Variants in TRERF1 observed in about 807,000 individuals in gnomAD.
TRERF1 encodes the protein transcriptional-regulating factor 1.
TRERF1 carries 27 observed loss-of-function variants against 122.9 expected under a neutral mutation model. The observed-to-expected ratio is 0.22, with a 90% CI of 0.16 to 0.30. The LOEUF is 0.30. TRERF1 is among the 10% of genes least tolerant of loss of function. The probability of loss-of-function intolerance (pLI) is 1.00; values close to 1 mark genes in which losing one functional copy is unlikely to be tolerated. For missense variants in TRERF1, 1,248 were observed against 1,560.3 expected (o/e 0.80, Z 3.37); for synonymous variants, 636 against 641.7 (o/e 0.99, Z 0.13).
At chr6:42,239,002 C>G (rs577453392) in intron 15 of TRERF1, among the ~76,000 whole-genome samples, 21 of 152,292 alleles carry the variant, frequency 1.4e-4, no homozygotes, top group African/African-American at 5.1e-4. Flanking sequence ...CCTGGCCTAT[C>G]TTATTCCAAA....
intron 2 of TRERF1, among the ~76,000 whole-genome samples, chr6:42,428,515 T>C (rs1471955304): frequency 1.3e-5 from 2 of 152,232 alleles, no homozygotes; most frequent in African/African-American, 2.4e-5. Context: ...TCTCCAGAGC[T>C]GAGGCTCTCT....
chr6:42,407,014 A>G (rs1352160484), intron 2 of TRERF1, among the ~76,000 whole-genome samples: 1 of 152,246 alleles, frequency 6.6e-6, no homozygotes, highest in African/African-American at 2.4e-5. Flanking sequence ...ACATGAAGAA[A>G]CAGGGGCTTG....
chr6:42,323,972 A>G (rs113261130), intron 3 of TRERF1, among the ~76,000 whole-genome samples: 1,879 of 152,310 alleles, frequency 0.012, 41 homozygotes, highest in African/African-American at 0.042. Flanking sequence ...ATCAAGTGAC[A>G]TGTTTGAGGC....
At chr6:42,373,946 G>T (rs564946268) in intron 2 of TRERF1, among the ~76,000 whole-genome samples, 9 of 150,864 alleles carry the variant, frequency 6.0e-5, no homozygotes, top group African/African-American at 2.2e-4. Flanking sequence ...CATCCTGGCC[G>T]ACATGGTGAA....
At chr6:42,313,654 C>T (rs1412278907) in intron 3 of TRERF1, among the ~76,000 whole-genome samples, 1 of 152,108 alleles carries the variant, frequency 6.6e-6, no homozygotes, top group African/African-American at 2.4e-5. Flanking sequence ...CTTCACTGAG[C>T]CCCAGGAGTG....
chr6:42,269,419 G>C lies in TRERF1; in HGVS notation c.172C>G (p.Pro58Ala). 6.2e-7 allele frequency: 1 copy of C among 1,614,224 alleles called. No individual in the cohort carries two copies. Among genetic ancestry groups the C allele is most frequent in the Non-Finnish European group, 8.5e-7 (1 of 1,180,050 alleles). ...CCCAGACCATCCCGTGTATCTTGAGGGAAGTGGGGGGAGATTGGCGAGGCC... is the reference window on the plus strand; with the variant it reads ...CCCAGACCATCCCGTGTATCTTGAGCGAAGTGGGGGGAGATTGGCGAGGCC... The change falls in exon 5 of 18, where the codon CCT becomes GCT. Residue 58 changes from proline (P) to alanine (A), a missense_variant. Physicochemically the swap from Pro to Ala is conservative, Grantham distance 27 (BLOSUM62 -1). Coordinates refer to ENST00000372922, the Ensembl canonical transcript of TRERF1. This position sits in a 1 kb window ranked among gnomAD's most constrained non-coding sequence, Gnocchi z 4.9.
intron 3 of TRERF1, among the ~76,000 whole-genome samples, chr6:42,316,109 G>A (rs938161735): frequency 6.6e-6 from 1 of 152,142 alleles, no homozygotes; most frequent in Non-Finnish European, 1.5e-5. Flanking sequence ...ATGACATTTC[G>A]AGTCACAAGT....
intron 4 of TRERF1, among the ~76,000 whole-genome samples, chr6:42,298,107 A>G (rs559976734): frequency 6.6e-6 from 1 of 152,270 alleles, no homozygotes; most frequent in African/African-American, 2.4e-5. Context: ...TTAGACACAT[A>G]ATAAATTAGT....
chr6:42,338,535 A>G (rs546287915), intron 3 of TRERF1, among the ~76,000 whole-genome samples: 1 of 152,326 alleles, frequency 6.6e-6, no homozygotes, highest in Non-Finnish European at 1.5e-5. Context: ...AGAAATTAAC[A>G]AGCACTCTCC....
At chr6:42,247,186 T>C (rs554097486) in intron 13 of TRERF1, among the ~76,000 whole-genome samples, 3 of 152,290 alleles carry the variant, frequency 2.0e-5, no homozygotes, top group South Asian at 2.1e-4. Flanking sequence ...AAAGGTCACA[T>C]AGAAGCAAGT....
chr6:42,328,658 C>T lies in TRERF1; in HGVS notation c.-370-27909G>A, dbSNP rs1201941217. Among the ~76,000 whole-genome samples the T allele has an allele frequency of 4.6e-5, 7 of 152,218 alleles. No homozygotes were observed. The East Asian group carries it at 1.4e-3, about 29-fold the overall frequency. On this transcript the variant is annotated intron_variant, in intron 3 of 17. Transcript: ENST00000372922. ...GGAGTTGTCTGTCTGAACAGCAATG[C>T]CATGCTAAGCAGAGTCTTAAGGGCC...
chr6:42,288,512 G>C (rs1027607542), intron 4 of TRERF1, among the ~76,000 whole-genome samples: 3 of 147,702 alleles, frequency 2.0e-5, no homozygotes, highest in African/African-American at 7.5e-5. Context: ...AGGTTGCCGT[G>C]AGCCAAGATG....
intron 3 of TRERF1, among the ~76,000 whole-genome samples, chr6:42,349,035 T>G (rs174275): frequency 0.041 from 6,268 of 152,260 alleles, 292 homozygotes; most frequent in African/African-American, 0.12. Flanking sequence ...TGAGGTAGTG[T>G]AAGCCTAAGT....
intron 4 of TRERF1, among the ~76,000 whole-genome samples, chr6:42,298,501 A>G (rs1381301168): frequency 1.3e-5 from 2 of 151,664 alleles, no homozygotes; most frequent in Admixed American, 1.3e-4. Flanking sequence ...ACAGAGAGAC[A>G]AAGAGATGAA....
intron 13 of TRERF1, among the ~76,000 whole-genome samples, chr6:42,251,866 C>T (rs928249840): frequency 1.3e-5 from 2 of 152,146 alleles, no homozygotes; most frequent in African/African-American, 4.8e-5. Context: ...TGAACACTTG[C>T]CAAGAAGCCA....
chr6:42,235,197 A>G (rs543568460), intron 16 of TRERF1, among the ~76,000 whole-genome samples: 1 of 152,302 alleles, frequency 6.6e-6, no homozygotes, highest in Admixed American at 6.5e-5. Flanking sequence ...GGTAAGCAGC[A>G]TTCAGTACAC....
intron 16 of TRERF1, among the ~76,000 whole-genome samples, chr6:42,235,314 C>A (rs895687236): frequency 2.6e-5 from 4 of 152,114 alleles, no homozygotes; most frequent in African/African-American, 9.7e-5. Context: ...GAGGGGTAAT[C>A]CCTCTAGAAC....
intron 3 of TRERF1, among the ~76,000 whole-genome samples, chr6:42,324,234 T>C (rs1482875693): frequency 5.3e-5 from 8 of 152,138 alleles, no homozygotes; most frequent in African/African-American, 1.7e-4. Flanking sequence ...CTACAAAACA[T>C]TGCTGAACAA....
At chr6:42,304,344 T>G (rs1229725146) in intron 3 of TRERF1, among the ~76,000 whole-genome samples, 1 of 152,224 alleles carries the variant, frequency 6.6e-6, no homozygotes, top group Non-Finnish European at 1.5e-5. Flanking sequence ...GAAATGAGGT[T>G]ACTTAGCAGT....
Sources: gnomAD v4.1 joint callset for allele counts (sites outside exome capture counted in the v4.1 genomes callset) on GRCh38, gnomAD v4.1.1 for gene constraint, Gnocchi (gnomAD v3.1) non-coding constraint, MANE v1.5 for transcripts, NCBI Gene and HGNC (gene_info 2026-07-23, HGNC 2026-07-21) for gene names.